OR4K1: variants seen among roughly 807,000 people sequenced by gnomAD.
The protein encoded by OR4K1 is olfactory receptor 4K1.
Under a neutral mutation model 14.4 loss-of-function variants are expected in OR4K1, and 16 were observed. The observed-to-expected ratio is 1.11, with a 90% CI of 0.75 to 1.68. OR4K1 has a LOEUF of 1.68. Among genes scored for constraint, OR4K1 ranks in the 40% most tolerant of loss-of-function variants. The pLI, the probability that OR4K1 is intolerant of heterozygous loss-of-function variation, is 0.00. For synonymous variants in OR4K1, 181 were observed against 133.1 expected (o/e 1.36, Z -2.48); for missense variants, 548 against 376.9 (o/e 1.45, Z -3.76).
chr14:19,929,359 C>CTGTG (rs59130422), upstream of OR4K1, among the ~76,000 whole-genome samples: 942 of 144,318 alleles, frequency 6.5e-3, 3 homozygotes, highest in South Asian at 0.014. Flanking sequence ...ATATCACACT[C>CTGTG]TGTGTGTGTG....
chr14:19,925,294 A>G, the OR4K1 span, among the ~76,000 whole-genome samples: 1 of 152,200 alleles, frequency 6.6e-6, no homozygotes, highest in Non-Finnish European at 1.5e-5. Context: ...CAGATTACTT[A>G]GCTTTTGATC....
the OR4K1 span, chr14:19,920,505 C>A: frequency 7.1e-7 from 1 of 1,407,858 alleles, no homozygotes; most frequent in South Asian, 1.4e-5. Context: ...TATCTGAGAT[C>A]TCAGAATCCC....
At chr14:19,920,766 A>C in the OR4K1 span, 2 of 1,614,070 alleles carry the variant, frequency 1.2e-6, no homozygotes, top group Non-Finnish European at 1.7e-6. Flanking sequence ...TTCTGATACC[A>C]GCCTGCACTC....
At chr14:19,935,563 A>T in intron 1 of OR4K1, 85 bp from the exon 2 acceptor site, 1 of 1,039,188 alleles carries the variant, frequency 9.6e-7, no homozygotes, top group Non-Finnish European at 1.4e-6. Flanking sequence ...TCTTTTGTTT[A>T]GAATTGACTA....
upstream of OR4K1, among the ~76,000 whole-genome samples, chr14:19,930,226 T>C (rs184356966): frequency 2.4e-4 from 37 of 152,298 alleles, no homozygotes; most frequent in Non-Finnish European, 5.0e-4. Flanking sequence ...TATGTGAATG[T>C]TTTACTAAGG....
the OR4K1 span, among the ~76,000 whole-genome samples, chr14:19,924,888 C>T: frequency 1.3e-5 from 2 of 152,166 alleles, no homozygotes; most frequent in Non-Finnish European, 2.9e-5. Context: ...AGGCACATAG[C>T]ATCGTATTTC....
chr14:19,933,119 GTTTTTT>G (rs1386438190), intron 1 of OR4K1, among the ~76,000 whole-genome samples: 1 of 151,542 alleles, frequency 6.6e-6, no homozygotes, highest in Non-Finnish European at 1.5e-5. Flanking sequence ...CAATTATGGA[GTTTTTT>G]TACTGTAATT....
intron 1 of OR4K1, among the ~76,000 whole-genome samples, chr14:19,932,186 G>A (rs1234830668): frequency 6.6e-6 from 1 of 152,288 alleles, no homozygotes; most frequent in East Asian, 1.9e-4. Context: ...TAATTTGTGG[G>A]AAATTTGGAT....
chr14:19,926,449 C>T (rs1178177257), upstream of OR4K1, among the ~76,000 whole-genome samples: 3 of 152,238 alleles, frequency 2.0e-5, no homozygotes, highest in African/African-American at 4.8e-5. Flanking sequence ...AAGTGACATA[C>T]AAGAAGGTTA....
chr14:19,935,288 G>A (rs971983889), intron 1 of OR4K1, among the ~76,000 whole-genome samples: 3 of 152,258 alleles, frequency 2.0e-5, no homozygotes, highest in South Asian at 4.1e-4. Context: ...AATTATTCGA[G>A]CTAAAACTTA....
rs75008557 is a variant in OR4K1, at chr14:19,936,181, A to G, written c.515A>G (p.Asn172Ser). The G allele has an allele frequency of 5.6e-3, 8,970 of 1,611,374 alleles. No individual in the cohort carries two copies. The highest frequency in any genetic ancestry group is 0.017 in the Middle Eastern group (101 of 5,992). ...FTVDLPFCGP[N>S]EVDSFFCDLP... ...GTGGACCTGCCATTCTGTGGTCCCA[A>G]TGAGGTGGATAGCTTCTTTTGTGAC... Residue 172 changes from asparagine to serine, a missense_variant, in exon 2 of 2, where the codon AAT becomes AGT. Physicochemically the swap from Asn to Ser is conservative, Grantham distance 46. Transcript: ENST00000641172.
At chr14:19,924,174 G>A in the OR4K1 span, among the ~76,000 whole-genome samples, 1 of 152,138 alleles carries the variant, frequency 6.6e-6, no homozygotes, top group Non-Finnish European at 1.5e-5. Flanking sequence ...GCCGAAGTGG[G>A]CGGATAACCT....
chr14:19,922,266 A>G, the OR4K1 span, among the ~76,000 whole-genome samples: 112,775 of 151,538 alleles, frequency 0.74, 38,521 homozygotes, highest in East Asian at 0.81. Flanking sequence ...TAGAAAGCTG[A>G]ACTATTTCAA....
chr14:19,928,825 A>G (rs1339825693), upstream of OR4K1, among the ~76,000 whole-genome samples: 1 of 152,126 alleles, frequency 6.6e-6, no homozygotes, highest in Non-Finnish European at 1.5e-5. Context: ...GCATCTGCTC[A>G]TTTTTCTACT....
At chr14:19,932,553 C>A (rs929864665) in intron 1 of OR4K1, among the ~76,000 whole-genome samples, 9 of 152,340 alleles carry the variant, frequency 5.9e-5, no homozygotes, top group African/African-American at 2.2e-4. Context: ...ATTTTAGGAG[C>A]TGAGACTAAA....
intron 1 of OR4K1, among the ~76,000 whole-genome samples, chr14:19,934,557 G>T (rs758025878): frequency 6.6e-6 from 1 of 152,234 alleles, no homozygotes; most frequent in South Asian, 2.1e-4. Flanking sequence ...TTTGTTAAAA[G>T]GTTGAAAGGA....
chr14:19,921,438 T>C, the OR4K1 span: 2 of 1,614,154 alleles, frequency 1.2e-6, no homozygotes, highest in African/African-American at 1.3e-5. Flanking sequence ...TTACACTGTT[T>C]TCACCCCCGT....
chr14:19,936,341 C>T lies in OR4K1; in HGVS notation c.675C>T (p.Val225=), dbSNP rs1347751367. ...IISYTIILIG[V]RCRSSSGSSK... ...CCTACACCATCATTTTGATCGGTGT[C>T]CGATGCAGGTCCTCCAGTGGGTCAT... The change falls in exon 2 of 2, where the codon GTC becomes GTT. Residue 225 remains valine (V), a synonymous_variant. Transcript: ENST00000641172. 5.0e-6 allele frequency: 8 copies of T among 1,614,140 alleles called. No homozygotes were observed. Among genetic ancestry groups the T allele is most frequent in the African/African-American group, 1.3e-5 (1 of 74,946 alleles).
chr14:19,921,014 G>A, the OR4K1 span: 1 of 1,614,190 alleles, frequency 6.2e-7, no homozygotes, highest in Non-Finnish European at 8.5e-7. Context: ...TGGTCATCAT[G>A]AGCCGAAGGA....
Sources: allele counts gnomAD v4.1 joint callset (sites outside exome capture counted in the v4.1 genomes callset), GRCh38; gene constraint gnomAD v4.1.1; transcripts MANE v1.5; gene names NCBI Gene and HGNC (gene_info 2026-07-23, HGNC 2026-07-21).